Variants in GPC6 observed in about 807,000 individuals in gnomAD.
The protein encoded by GPC6 is glypican 6, also known as glypican-6.
Under a neutral mutation model 55.2 loss-of-function variants are expected in GPC6, and 14 were observed. The observed-to-expected ratio is 0.25, with a 90% CI of 0.17 to 0.40. GPC6 has a LOEUF of 0.40. Among genes scored for constraint, GPC6 ranks in the 10% least tolerant of loss-of-function variants. GPC6 has a pLI of 1.00. For missense variants in GPC6, 641 were observed against 708.5 expected, an observed-to-expected ratio of 0.90 and a Z score of 1.08; for synonymous variants, 278 against 259.6, an observed-to-expected ratio of 1.07 and a Z score of -0.68.
At chr13:94,322,251 T>A (rs1234468905) in intron 6 of GPC6, among the ~76,000 whole-genome samples, 4 of 152,234 alleles carry the variant, frequency 2.6e-5, no homozygotes, top group African/African-American at 9.6e-5. Flanking sequence ...GTAAGACATG[T>A]CTTTCACCTT....
chr13:94,187,553 C>T (rs558574018), intron 4 of GPC6, among the ~76,000 whole-genome samples: 37 of 152,120 alleles, frequency 2.4e-4, no homozygotes, highest in African/African-American at 7.9e-4. Flanking sequence ...ATCCAACATC[C>T]CCCAAATTTC....
intron 3 of GPC6, among the ~76,000 whole-genome samples, chr13:93,894,275 G>C (rs1230923081): frequency 6.6e-6 from 1 of 152,070 alleles, no homozygotes; most frequent in Non-Finnish European, 1.5e-5. Context: ...AGTTACTTCA[G>C]CCTGTGAAAT....
chr13:94,127,995 A>T (rs1886880529), intron 4 of GPC6, among the ~76,000 whole-genome samples: 1 of 152,204 alleles, frequency 6.6e-6, no homozygotes, highest in Admixed American at 6.5e-5. Context: ...AATGTTATAC[A>T]GTCCACAGTC....
intron 1 of GPC6, among the ~76,000 whole-genome samples, chr13:93,242,464 C>T (rs1385928594): frequency 6.6e-6 from 1 of 152,180 alleles, no homozygotes; most frequent in East Asian, 1.9e-4. Context: ...GGACACACAT[C>T]CTGTGGGGAC....
At chr13:93,324,908 C>A (rs1411665315) in intron 1 of GPC6, among the ~76,000 whole-genome samples, 1 of 151,850 alleles carries the variant, frequency 6.6e-6, no homozygotes. Flanking sequence ...GTTTTTAGGC[C>A]CCTCTAGTAG....
intron 2 of GPC6, among the ~76,000 whole-genome samples, chr13:93,805,031 G>A (rs2138943114): frequency 6.6e-6 from 1 of 152,198 alleles, no homozygotes; most frequent in East Asian, 1.9e-4. Flanking sequence ...TACCTAGTAA[G>A]TACTTTAAAA....
chr13:93,636,178 G>A (rs990682682), intron 2 of GPC6, among the ~76,000 whole-genome samples: 1 of 152,144 alleles, frequency 6.6e-6, no homozygotes, highest in South Asian at 2.1e-4. Context: ...TTGTTTATAA[G>A]TTATAACAAC....
At chr13:93,960,815 C>CTTTTTTTTTTTTT (rs58063943) in intron 3 of GPC6, among the ~76,000 whole-genome samples, 1 of 122,258 alleles carries the variant, frequency 8.2e-6, no homozygotes, top group Non-Finnish European at 1.8e-5. Context: ...TTTTTTTTTT[C>CTTTTTTTTTTTTT]TTTTTTTTTT....
intron 2 of GPC6, among the ~76,000 whole-genome samples, chr13:93,708,569 G>T (rs1001449183): frequency 1.3e-5 from 2 of 151,728 alleles, no homozygotes; most frequent in Admixed American, 6.6e-5. Context: ...GTTTTTAAGT[G>T]ACATTAAATT....
At chr13:93,855,966 T>G (rs973721929) in intron 3 of GPC6, among the ~76,000 whole-genome samples, 1 of 151,660 alleles carries the variant, frequency 6.6e-6, no homozygotes, top group African/African-American at 2.4e-5. Context: ...GCAAATATTT[T>G]CTCCCAGCCT....
chr13:93,260,391 T>C (rs1309670713), intron 1 of GPC6, among the ~76,000 whole-genome samples: 3 of 152,026 alleles, frequency 2.0e-5, no homozygotes, highest in Non-Finnish European at 4.4e-5. Flanking sequence ...CTATAAAGAG[T>C]ATATAAATTT....
intron 2 of GPC6, among the ~76,000 whole-genome samples, chr13:93,664,731 C>T (rs1271870783): frequency 6.6e-6 from 1 of 152,142 alleles, no homozygotes; most frequent in Non-Finnish European, 1.5e-5. Context: ...AATTCTCCTG[C>T]CTCAGCCTCC....
intron 3 of GPC6, among the ~76,000 whole-genome samples, chr13:93,945,832 A>C (rs1878982042): frequency 6.6e-6 from 1 of 152,332 alleles, no homozygotes; most frequent in South Asian, 2.1e-4. Flanking sequence ...TGTAGTTCCA[A>C]CATGAGTGTT....
At position 94,096,155 on chromosome 13, in the gene GPC6, T is replaced by G. The variant is rs931134493; in HGVS notation, c.877+68261T>G. Among the ~76,000 whole-genome samples, 9 of 152,316 alleles carry G rather than the reference T, an allele frequency of 5.9e-5. No individual in the cohort carries two copies. In the East Asian group the frequency reaches 1.5e-3, roughly 26 times the overall value. The stretch of plus-strand genomic sequence containing the variant: ...GAACAGAAATGTCTTAAACTTGGTT[T>G]GGTACTGACAACCTAAAACACAGAA... On this transcript the variant is annotated intron_variant, in intron 4 of 8. Transcript: ENST00000377047.
intron 4 of GPC6, among the ~76,000 whole-genome samples, chr13:94,215,466 C>G (rs78037123): frequency 0.028 from 4,269 of 152,158 alleles, 203 homozygotes; most frequent in African/African-American, 0.09. Context: ...GTATGATATA[C>G]ATATGAAGCA....
At chr13:93,584,859 TTTTA>T (rs1418612844) in intron 2 of GPC6, among the ~76,000 whole-genome samples, 1 of 151,958 alleles carries the variant, frequency 6.6e-6, no homozygotes, top group Non-Finnish European at 1.5e-5. Flanking sequence ...CAGCGAATTT[TTTTA>T]TTTTTTTGTA....
At chr13:93,584,340 G>A (rs1184016896) in intron 2 of GPC6, among the ~76,000 whole-genome samples, 1 of 152,168 alleles carries the variant, frequency 6.6e-6, no homozygotes, top group Non-Finnish European at 1.5e-5. Flanking sequence ...GTATCTTTGG[G>A]GGGGTCCCAG....
chr13:94,099,226 C>T (rs1419450480), intron 4 of GPC6, among the ~76,000 whole-genome samples: 2 of 152,034 alleles, frequency 1.3e-5, no homozygotes, highest in African/African-American at 2.4e-5. Flanking sequence ...AATCATTGGA[C>T]GTTCTTGTTT....
At chr13:94,017,777 C>G (rs568590339) in intron 3 of GPC6, among the ~76,000 whole-genome samples, 4 of 152,038 alleles carry the variant, frequency 2.6e-5, no homozygotes, top group Admixed American at 1.3e-4. Flanking sequence ...CTCCCAAGTT[C>G]AAGCAATTAT....
Sources: gnomAD v4.1 joint callset for allele counts (sites outside exome capture counted in the v4.1 genomes callset) on GRCh38, gnomAD v4.1.1 for gene constraint, MANE v1.5 for transcripts, NCBI Gene and HGNC (gene_info 2026-07-23, HGNC 2026-07-21) for gene names.